NCOA2: variants seen among roughly 807,000 people sequenced by gnomAD.
NCOA2 encodes class E basic helix-loop-helix protein 75.
NCOA2 carries 21 observed loss-of-function variants against 145.1 expected under a neutral mutation model. The observed-to-expected ratio is 0.14, with a 90% CI of 0.10 to 0.21. NCOA2 has a LOEUF of 0.21. Ranked by LOEUF, NCOA2 falls within the 10% of genes least tolerant of loss-of-function variation. The probability of loss-of-function intolerance (pLI) is 1.00; values close to 1 mark genes in which losing one functional copy is unlikely to be tolerated. For synonymous variants in NCOA2, 619 were observed against 637.5 expected, an observed-to-expected ratio of 0.97 and a Z score of 0.44; for missense variants, 1,472 against 1,837.6, an observed-to-expected ratio of 0.80 and a Z score of 3.64.
At chr8:70,383,794 C>A (rs1274599240) in intron 1 of NCOA2, among the ~76,000 whole-genome samples, 1 of 152,140 alleles carries the variant, frequency 6.6e-6, no homozygotes, top group Non-Finnish European at 1.5e-5. Context: ...CGTGAGCCAC[C>A]GTGCCTGGCC....
chr8:70,169,859 C>G (rs1814032077), intron 6 of NCOA2, among the ~76,000 whole-genome samples: 1 of 151,614 alleles, frequency 6.6e-6, no homozygotes, highest in African/African-American at 2.4e-5. Flanking sequence ...AATTTCTGTT[C>G]ATTTATCATG....
chr8:70,128,377 T>A (rs1324919991), intron 18 of NCOA2, 56 bp downstream of exon 18: 24 of 1,464,002 alleles, frequency 1.6e-5, no homozygotes, highest in Non-Finnish European at 2.2e-5. Flanking sequence ...GAGGAAGAAA[T>A]GACAAAAGCA....
chr8:70,293,256 T>C (rs1045757121), intron 2 of NCOA2, among the ~76,000 whole-genome samples: 2 of 152,228 alleles, frequency 1.3e-5, no homozygotes, highest in Non-Finnish European at 2.9e-5. Context: ...AAAGTGCCCA[T>C]ATCTTCATGG....
At chr8:70,320,211 TG>T (rs1245633911) in intron 1 of NCOA2, among the ~76,000 whole-genome samples, 3 of 152,178 alleles carry the variant, frequency 2.0e-5, no homozygotes, top group African/African-American at 7.2e-5. Context: ...TTTGACATCT[TG>T]TTTTTATATG....
Position 70,307,838 on chromosome 8 carries a change from T to C in NCOA2, c.-76-11038A>G, listed in dbSNP as rs375166536. 2.0e-4 allele frequency among the ~76,000 whole-genome samples: 30 copies of C among 152,304 alleles called. No individual in the cohort carries two copies. In the South Asian group the frequency reaches 5.2e-3, roughly 26 times the overall value. ...GTAGTGCTAATTTAAATCTTATCGA[T>C]TTGGTAGTTTTGTTTATATTTAGTT... On this transcript the variant is annotated intron_variant, in intron 1 of 22. Transcript: ENST00000452400.
At chr8:70,351,177 A>C (rs1335896241) in intron 1 of NCOA2, among the ~76,000 whole-genome samples, 2 of 152,212 alleles carry the variant, frequency 1.3e-5, no homozygotes, top group Non-Finnish European at 2.9e-5. Context: ...TCACAATGGC[A>C]ATTAAATTTC....
At chr8:70,155,906 C>A in intron 11 of NCOA2, 65 bp downstream of exon 11, 1 of 1,294,110 alleles carries the variant, frequency 7.7e-7, no homozygotes, top group Non-Finnish European at 1.1e-6. Flanking sequence ...TCAAAATGCC[C>A]CTATGGAGAA....
intron 1 of NCOA2, among the ~76,000 whole-genome samples, chr8:70,335,770 T>C (rs75587782): frequency 0.032 from 4,899 of 152,174 alleles, 257 homozygotes; most frequent in African/African-American, 0.11. Context: ...TTTGCGAACA[T>C]TGTAGAGCAT....
intron 2 of NCOA2, among the ~76,000 whole-genome samples, chr8:70,262,331 A>G (rs1824205615): frequency 1.3e-5 from 2 of 152,172 alleles, no homozygotes; most frequent in Admixed American, 1.3e-4. Flanking sequence ...ACTTTCATAT[A>G]ATTTTAATGA....
At chr8:70,247,412 TATA>T (rs1822721927) in intron 2 of NCOA2, among the ~76,000 whole-genome samples, 1 of 152,208 alleles carries the variant, frequency 6.6e-6, no homozygotes, top group African/African-American at 2.4e-5. Flanking sequence ...CTTTAAAAGT[TATA>T]ATGATTTTTA....
chr8:70,370,471 G>A (rs1311177769), intron 1 of NCOA2, among the ~76,000 whole-genome samples: 2 of 152,082 alleles, frequency 1.3e-5, no homozygotes, highest in Non-Finnish European at 2.9e-5. Context: ...AAAGGACTCA[G>A]GCAGTAGGAA....
the NCOA2 span, among the ~76,000 whole-genome samples, chr8:70,454,028 G>A: frequency 1.3e-5 from 2 of 152,250 alleles, no homozygotes; most frequent in South Asian, 4.2e-4. Context: ...AACTCTTAAG[G>A]ATTTTCTACT....
chr8:70,239,518 GGA>G (rs1440939653), intron 2 of NCOA2, among the ~76,000 whole-genome samples: 1 of 152,084 alleles, frequency 6.6e-6, no homozygotes, highest in Non-Finnish European at 1.5e-5. Flanking sequence ...CTCTTCCTAA[GGA>G]CCCACAACCT....
chr8:70,148,532 C>CTGG, intron 11 of NCOA2, 49 bp from the exon 12 acceptor site: 1 of 1,557,328 alleles, frequency 6.4e-7, no homozygotes, highest in Non-Finnish European at 8.8e-7. Context: ...TAAGAGTAGA[C>CTGG]ACCACAAGCC....
At chr8:70,187,071 G>T (rs1205398516) in intron 4 of NCOA2, among the ~76,000 whole-genome samples, 1 of 152,158 alleles carries the variant, frequency 6.6e-6, no homozygotes. Context: ...AAAGCAGTAG[G>T]CAATTAAAAA....
At chr8:70,298,767 A>G (rs566539890) in intron 1 of NCOA2, among the ~76,000 whole-genome samples, 2 of 152,308 alleles carry the variant, frequency 1.3e-5, no homozygotes, top group Non-Finnish European at 2.9e-5. Flanking sequence ...CACCCATGCT[A>G]AAGAAAGATG....
the NCOA2 span, among the ~76,000 whole-genome samples, chr8:70,421,767 A>G: frequency 6.6e-6 from 1 of 151,934 alleles, no homozygotes; most frequent in South Asian, 2.1e-4. Flanking sequence ...TGGTAAAAAA[A>G]AAAAAGTAAA....
chr8:70,393,683 G>A (rs1488515627), intron 1 of NCOA2, among the ~76,000 whole-genome samples: 1 of 152,146 alleles, frequency 6.6e-6, no homozygotes, highest in Non-Finnish European at 1.5e-5. Flanking sequence ...GTTCCTTCCT[G>A]CCCAAGCCTT....
chr8:70,331,094 C>A (rs1175160839), intron 1 of NCOA2, among the ~76,000 whole-genome samples: 1 of 152,042 alleles, frequency 6.6e-6, no homozygotes, highest in Non-Finnish European at 1.5e-5. Context: ...TATGGTACAG[C>A]TTTTAATTAA....
Sources: allele counts gnomAD v4.1 joint callset (sites outside exome capture counted in the v4.1 genomes callset), GRCh38; gene constraint gnomAD v4.1.1; transcripts MANE v1.5; gene names NCBI Gene and HGNC (gene_info 2026-07-23, HGNC 2026-07-21).